HEATR5B: variants seen among roughly 807,000 people sequenced by gnomAD.
The protein encoded by HEATR5B is HEAT repeat containing 5B, also known as HEAT repeat-containing protein 5B.
Under a neutral mutation model 224.1 loss-of-function variants are expected in HEATR5B, and 156 were observed. The ratio of observed to expected loss-of-function variants is 0.70; its 90% confidence interval spans 0.61 to 0.80. HEATR5B has a LOEUF of 0.80. HEATR5B is among the 30% of genes least tolerant of loss of function. The pLI is 0.00. For synonymous variants in HEATR5B, 1,027 were observed against 893.0 expected, an observed-to-expected ratio of 1.15 and a Z score of -2.68; for missense variants, 2,323 against 2,535.5, an observed-to-expected ratio of 0.92 and a Z score of 1.80.
chr2:37,064,533 G>C (rs943774465), intron 10 of HEATR5B, among the ~76,000 whole-genome samples: 1 of 151,774 alleles, frequency 6.6e-6, no homozygotes, highest in East Asian at 1.9e-4. Context: ...CATGTTACTA[G>C]ACTTGGACAA....
At chr2:37,034,328 C>T (rs1446628762) in intron 21 of HEATR5B, among the ~76,000 whole-genome samples, 1 of 142,474 alleles carries the variant, frequency 7.0e-6, no homozygotes, top group Admixed American at 6.9e-5. Context: ...TTTAAGACAT[C>T]GCCGGCCGGG....
intron 33 of HEATR5B, among the ~76,000 whole-genome samples, chr2:36,993,756 T>C (rs933556630): frequency 5.3e-5 from 8 of 152,066 alleles, no homozygotes; most frequent in South Asian, 2.1e-4. Flanking sequence ...CTTAGTTATA[T>C]GATGTGCTAA....
At chr2:37,043,153 G>C (rs1669982199) in intron 18 of HEATR5B, among the ~76,000 whole-genome samples, 1 of 152,170 alleles carries the variant, frequency 6.6e-6, no homozygotes, top group Non-Finnish European at 1.5e-5. Flanking sequence ...ATCAGCTGCG[G>C]ACAAGGCAGA....
chr2:37,040,888 C>T (rs934058095), intron 19 of HEATR5B: 3 of 416,930 alleles, frequency 7.2e-6, no homozygotes, highest in South Asian at 5.8e-5. Context: ...GAAAAAAGTA[C>T]ACAGAATAAT....
At chr2:37,025,311 G>C (rs941790767) in intron 24 of HEATR5B, among the ~76,000 whole-genome samples, 1 of 151,986 alleles carries the variant, frequency 6.6e-6, no homozygotes, top group Non-Finnish European at 1.5e-5. Context: ...TCCACACTGA[G>C]AGAAAATTCC....
intron 29 of HEATR5B, 109 bp downstream of exon 29, chr2:37,006,941 C>T: frequency 1.0e-6 from 1 of 967,740 alleles, no homozygotes; most frequent in Non-Finnish European, 1.5e-6. Flanking sequence ...TTTCACTTTT[C>T]CTTCTCTGAA....
chr2:37,047,625 C>A (rs1387397448), intron 18 of HEATR5B, among the ~76,000 whole-genome samples: 1 of 152,188 alleles, frequency 6.6e-6, no homozygotes, highest in Non-Finnish European at 1.5e-5. Context: ...ATTGAAGGTA[C>A]TCCCTATTAA....
At chr2:37,070,530 A>T in intron 6 of HEATR5B, 143 bp from the exon 7 acceptor site, 1 of 666,538 alleles carries the variant, frequency 1.5e-6, no homozygotes, top group Non-Finnish European at 2.4e-6. Context: ...TAAAATTTTC[A>T]ATGTACTTGT....
chr2:37,001,024 TTTTC>T (rs1479534744), intron 32 of HEATR5B, among the ~76,000 whole-genome samples: 3 of 152,220 alleles, frequency 2.0e-5, no homozygotes, highest in Non-Finnish European at 4.4e-5. Context: ...AGAATTGGTA[TTTTC>T]TTTCTTTTTC....
chr2:37,070,451 C>G, intron 6 of HEATR5B, 64 bp from the exon 7 acceptor site: 2 of 1,265,244 alleles, frequency 1.6e-6, no homozygotes, highest in Non-Finnish European at 2.2e-6. Context: ...CTTAATAATT[C>G]AAGTAATTAT....
chr2:37,062,373 T>A (rs1347761591), intron 10 of HEATR5B, among the ~76,000 whole-genome samples: 1 of 152,204 alleles, frequency 6.6e-6, no homozygotes, highest in East Asian at 1.9e-4. Flanking sequence ...GAGGTTGCAG[T>A]GAGCAGAGAT....
chr2:37,020,920 T>C (rs1668421729), intron 24 of HEATR5B, 84 bp from the exon 25 acceptor site: 2 of 816,444 alleles, frequency 2.4e-6, no homozygotes, highest in Admixed American at 7.1e-5. Context: ...AAATAAATTT[T>C]TGATAAAAAA....
chr2:37,062,121 A>C, intron 10 of HEATR5B, 71 bp from the exon 11 acceptor site: 1 of 922,224 alleles, frequency 1.1e-6, no homozygotes, highest in Non-Finnish European at 1.8e-6. Context: ...GATAACTAGC[A>C]TACATTACTT....
intron 12 of HEATR5B, among the ~76,000 whole-genome samples, chr2:37,059,469 T>TTC: frequency 7.6e-6 from 1 of 131,784 alleles, no homozygotes; most frequent in African/African-American, 2.9e-5. Flanking sequence ...TATATATTTT[T>TTC]TTTTTTTTTT....
chr2:37,084,293 G>C lies in HEATR5B; in HGVS notation c.-47C>G. On this transcript the variant is annotated 5_prime_UTR_variant, in exon 1 of 36. Coordinates refer to ENST00000233099, the MANE Select transcript of HEATR5B (RefSeq NM_019024.3). ...CCTCGTAGTCTGGAAGGGAAGATCA[G>C]CTGAGCTCCGGGGGTAGAAGCAGCC... 2.5e-6 allele frequency: 1 copy of C among 395,850 alleles called. No homozygotes were observed. The highest frequency in any genetic ancestry group is 4.4e-6 in the Non-Finnish European group (1 of 224,942). The allele number at this position is 395,850 out of a possible 1,614,324, so 24.5% of individuals were successfully genotyped here. A position where few individuals can be genotyped will look rare whatever the true frequency, so the allele number is the denominator to read the frequency against.
intron 20 of HEATR5B, among the ~76,000 whole-genome samples, chr2:37,038,647 G>T (rs534295032): frequency 1.2e-4 from 19 of 152,238 alleles, no homozygotes; most frequent in Admixed American, 1.3e-4. Context: ...AGGACAATGG[G>T]TCTAAGCAAG....
intron 21 of HEATR5B, among the ~76,000 whole-genome samples, chr2:37,034,570 G>A (rs542377067): frequency 8.4e-5 from 10 of 119,626 alleles, no homozygotes; most frequent in African/African-American, 2.6e-4. Context: ...CCGAGATCCC[G>A]CCACTGCACT....
At position 37,013,988 on chromosome 2, in the gene HEATR5B, G is replaced by T; in HGVS notation, c.4137C>A (p.Val1379=). The change falls in exon 27 of 36, where the codon GTC becomes GTA. Residue 1379 remains valine, a synonymous_variant. Transcript: ENST00000233099. ...VCSTWIGSGV[V]SDLNDLRRVH... ...CTCGACGGAGATCATTGAGATCACTGACAACTCCACTTCCTATCCATGTAC... is the reference window on the plus strand; with the variant it reads ...CTCGACGGAGATCATTGAGATCACTTACAACTCCACTTCCTATCCATGTAC... The T allele has an allele frequency of 1.2e-6, 2 of 1,606,074 alleles. No homozygotes were observed. Among genetic ancestry groups the T allele is most frequent in the South Asian group, 2.2e-5 (2 of 89,322 alleles).
chr2:37,072,491 G>A (rs1235753242), intron 5 of HEATR5B, among the ~76,000 whole-genome samples: 7 of 152,172 alleles, frequency 4.6e-5, no homozygotes. Context: ...CCAGCCTACT[G>A]CCTTGAGAGA....
Sources: gnomAD v4.1 joint callset for allele counts (sites outside exome capture counted in the v4.1 genomes callset) on GRCh38, gnomAD v4.1.1 for gene constraint, MANE v1.5 for transcripts, NCBI Gene and HGNC (gene_info 2026-07-23, HGNC 2026-07-21) for gene names.